Variants in TRAFD1 observed in about 807,000 individuals in gnomAD.
The protein encoded by TRAFD1 is TRAF-type zinc finger domain containing 1, also known as TRAF-type zinc finger domain-containing protein 1.
TRAFD1 carries 38 observed loss-of-function variants against 65.3 expected under a neutral mutation model. That is an observed-to-expected ratio of 0.58 (90% CI 0.45 to 0.76). The LOEUF is 0.76. Ranked by LOEUF, TRAFD1 falls within the 30% of genes least tolerant of loss-of-function variation. The pLI, the probability that TRAFD1 is intolerant of heterozygous loss-of-function variation, is 0.00. For synonymous variants in TRAFD1, 223 were observed against 257.2 expected (o/e 0.87, Z 1.27); for missense variants, 631 against 712.6 (o/e 0.89, Z 1.30).
intron 8 of TRAFD1, among the ~76,000 whole-genome samples, chr12:112,149,110 C>T (rs1008574769): frequency 1.3e-5 from 2 of 151,586 alleles, no homozygotes; most frequent in African/African-American, 2.4e-5. Context: ...CCCAGCTACT[C>T]GGGAGGCTGA....
At chr12:112,135,491 T>G (rs1431416329) in intron 4 of TRAFD1, among the ~76,000 whole-genome samples, 1 of 152,166 alleles carries the variant, frequency 6.6e-6, no homozygotes, top group Non-Finnish European at 1.5e-5. Context: ...TGGAGTGCAG[T>G]GGTGTGATCT....
At chr12:112,146,364 CAAA>C (rs202214474) in intron 7 of TRAFD1, among the ~76,000 whole-genome samples, 1 of 148,312 alleles carries the variant, frequency 6.7e-6, no homozygotes, top group Non-Finnish European at 1.5e-5. Context: ...CCAGCTCTAC[CAAA>C]AAAAAAGGGG....
At position 112,149,754 on chromosome 12, in the gene TRAFD1, C is replaced by T; in HGVS notation, c.1162C>T (p.Gln388Ter). 6.2e-7 allele frequency: 1 copy of T among 1,614,054 alleles called. No individual in the cohort carries two copies. The highest frequency in any genetic ancestry group is 8.5e-7 in the Non-Finnish European group (1 of 1,179,942). The part of the protein sequence containing the change: ...EEEVLFHHQD[Q>*]CDQRPATATN... ...AATTCTGGTTTTTCTTGTTTAGGAC[C>T]AGTGTGACCAACGCCCAGCCACTGC... is the stretch of plus-strand genomic sequence containing the variant. The change falls in exon 9 of 12, where the codon CAG (glutamine) becomes TAG (stop). Residue 388 changes from glutamine to a stop codon, truncating the protein, a stop_gained. Coordinates refer to ENST00000412615, the MANE Select transcript of TRAFD1 (RefSeq NM_006700.3). LOFTEE classifies it high-confidence loss of function.
intron 8 of TRAFD1, chr12:112,149,549 A>C (rs1264643746): frequency 3.6e-6 from 2 of 560,778 alleles, no homozygotes; most frequent in Non-Finnish European, 6.2e-6. Context: ...CACAAATCAG[A>C]AAGTGTTTCT....
chr12:112,151,970 G>C lies in TRAFD1; in HGVS notation c.1449G>C (p.Val483=). The C allele has an allele frequency of 6.2e-7, 1 of 1,614,220 alleles. No individual in the cohort carries two copies. Among genetic ancestry groups the C allele is most frequent in the Non-Finnish European group, 8.5e-7 (1 of 1,180,040 alleles). The change falls in exon 10 of 12, where the codon GTG becomes GTC. Residue 483 remains valine (V), a synonymous_variant. Coordinates refer to ENST00000412615, the MANE Select transcript of TRAFD1 (RefSeq NM_006700.3). ...GGTGCCAGCCCAGCTCTCCTTGTGT[G>C]CCGAAGCTCAGCAACTCAGACAGCC... ...RPGCQPSSPC[V]PKLSNSDSQD...
rs1188707338 is a variant in TRAFD1 at position 112,141,694 on chromosome 12, G to A, written c.644-395G>A. ...TAGGCATTTGCAAAGTGCTTTATAC[G>A]TATTAACTCATTTAATTCTCTCATT... On this transcript the variant is annotated intron_variant, in intron 5 of 11. Transcript: ENST00000412615. Among the ~76,000 whole-genome samples the A allele has an allele frequency of 5.3e-5, 8 of 152,084 alleles. 1 individual carries two copies. In the South Asian group the frequency reaches 8.3e-4, roughly 16 times the overall value.
At chr12:112,140,046 G>A in intron 4 of TRAFD1, 1 of 226,006 alleles carries the variant, frequency 4.4e-6, no homozygotes, top group South Asian at 4.2e-5. Context: ...AATAAAGCCT[G>A]TGCTAAATAC....
chr12:112,140,497 C>T (rs1028136335), intron 4 of TRAFD1, among the ~76,000 whole-genome samples: 24 of 151,176 alleles, frequency 1.6e-4, no homozygotes, highest in African/African-American at 3.6e-4. Context: ...AAACATCTGA[C>T]TTGCTATGAT....
chr12:112,140,868 A>T lies in TRAFD1; in HGVS notation c.287A>T (p.Glu96Val). Residue 96 changes from glutamate to valine, a missense_variant, in exon 5 of 12, where the codon GAA (glutamate) becomes GTA (valine). Coordinates refer to ENST00000412615, the MANE Select transcript of TRAFD1 (RefSeq NM_006700.3). ...RLAVCQHCDL[E>V]LSILKLKEHE... is the part of the protein sequence containing the mutation. ...GCTGTCTGCCAGCACTGTGATTTAG[A>T]ACTTTCCATTCTCAAACTGAAGGAA... The T allele has an allele frequency of 6.2e-7, 1 of 1,614,196 alleles. No homozygotes were observed. Among genetic ancestry groups the T allele is most frequent in the Non-Finnish European group, 8.5e-7 (1 of 1,180,042 alleles).
intron 2 of TRAFD1, among the ~76,000 whole-genome samples, chr12:112,132,565 C>T (rs1199228476): frequency 6.6e-6 from 1 of 152,170 alleles, no homozygotes; most frequent in Non-Finnish European, 1.5e-5. Flanking sequence ...TAATTTTCCT[C>T]TTTATCCATT....
At chr12:112,134,001 A>ATTTTTT (rs545753010) in intron 2 of TRAFD1, among the ~76,000 whole-genome samples, 1 of 95,156 alleles carries the variant, frequency 1.1e-5, no homozygotes, top group Non-Finnish European at 2.1e-5. Flanking sequence ...AAAGGATTTA[A>ATTTTTT]TTTTTTTTTT....
In TRAFD1 at chr12:112,130,371, G is replaced by C. The variant is rs1021285744; in HGVS notation, c.-12-140G>C. 3.8e-6 allele frequency: 2 copies of C among 527,448 alleles called. No individual in the cohort carries two copies. The highest frequency in any genetic ancestry group is 6.7e-6 in the Non-Finnish European group (2 of 296,340). The allele number at this position is 527,448 out of a possible 1,614,324, so 32.7% of individuals were successfully genotyped here. On this transcript the variant is annotated intron_variant, in intron 1 of 11. Transcript: ENST00000412615. This position sits in a 1 kb window ranked among gnomAD's most constrained non-coding sequence, Gnocchi z 4.4. The stretch of plus-strand genomic sequence containing the variant: ...ATTTTAAAATAAGAAAATCCCAAGG[G>C]ACTGGATATTGAATAAAATGCTTTA...
chr12:112,141,360 C>CT, intron 5 of TRAFD1, 136 bp downstream of exon 5: 1 of 1,006,474 alleles, frequency 9.9e-7, no homozygotes, highest in Non-Finnish European at 1.4e-6. Context: ...GAATACCTCT[C>CT]TTTCCTATAA....
At position 112,141,177 on chromosome 12, in the gene TRAFD1, C is replaced by G. The variant is rs778548385; in HGVS notation, c.596C>G (p.Thr199Ser). Residue 199 changes from threonine (T) to serine (S), a missense_variant, in exon 5 of 12, where the codon ACC (threonine) becomes AGC (serine). By Grantham distance (58) the Thr-to-Ser change is moderately conservative. Coordinates refer to ENST00000412615, the MANE Select transcript of TRAFD1 (RefSeq NM_006700.3). ...TCAGATGTTTTCCACAATAGAACTA[C>G]CAACCAAAGGAACATTACAGCCCAG... ...FESDVFHNRT[T>S]NQRNITAQVS... 6.2e-7 allele frequency: 1 copy of G among 1,614,140 alleles called. No homozygotes were observed. The highest frequency in any genetic ancestry group is 1.1e-5 in the South Asian group (1 of 91,084).
Position 112,140,926 on chromosome 12 carries a change from A to G in TRAFD1, c.345A>G (p.Leu115=), listed in dbSNP as rs764050238. Residue 115 remains leucine (L), a synonymous_variant, in exon 5 of 12, where the codon CTA becomes CTG. Coordinates refer to ENST00000412615, the MANE Select transcript of TRAFD1 (RefSeq NM_006700.3). Reference sequence around the variant, plus strand: ...ATTATTGTGGTGCCCGGACGGAACTATGTGGCAACTGTGGTCGCAATGTCC... The same window carrying G: ...ATTATTGTGGTGCCCGGACGGAACTGTGTGGCAACTGTGGTCGCAATGTCC... ...HEDYCGARTE[L]CGNCGRNVLV... 30 of 1,614,078 alleles carry G rather than the reference A, an allele frequency of 1.9e-5. No individual in the cohort carries two copies. The Admixed American group carries it at 2.8e-4, about 15-fold the overall frequency.
chr12:112,145,732 A>G (rs537463795), intron 7 of TRAFD1, 70 bp downstream of exon 7: 4 of 1,399,020 alleles, frequency 2.9e-6, no homozygotes, highest in African/African-American at 1.4e-5. Context: ...TGCAGGCCAC[A>G]TGAGGCCTTG....
chr12:112,128,168 G>C (rs917888748), intron 1 of TRAFD1, among the ~76,000 whole-genome samples: 1 of 151,750 alleles, frequency 6.6e-6, no homozygotes, highest in African/African-American at 2.4e-5. Flanking sequence ...ACAGGCACCC[G>C]GCTAATTTTT....
Position 112,140,998 on chromosome 12 carries a change from G to A in TRAFD1, c.417G>A (p.Gly139=), listed in dbSNP as rs1342632529. The A allele has an allele frequency of 6.2e-7, 1 of 1,614,160 alleles. No homozygotes were observed. The change falls in exon 5 of 12, where the codon GGG becomes GGA. Residue 139 remains glycine (G), a synonymous_variant. Coordinates refer to ENST00000412615, the MANE Select transcript of TRAFD1 (RefSeq NM_006700.3). ...KTHPEVCGRE[G]EEKRNEVAIP... Reference sequence around the variant, plus strand: ...ACCCTGAAGTTTGTGGGAGAGAGGGGGAGGAAAAGAGAAATGAGGTTGCCA... The same window carrying A: ...ACCCTGAAGTTTGTGGGAGAGAGGGAGAGGAAAAGAGAAATGAGGTTGCCA...
At chr12:112,142,358 A>G in intron 6 of TRAFD1, 63 bp downstream of exon 6, 4 of 1,499,496 alleles carry the variant, frequency 2.7e-6, no homozygotes, top group Non-Finnish European at 3.6e-6. Flanking sequence ...TAGGTTATAC[A>G]ATTCTTATAC....
Sources: gnomAD v4.1 joint callset for allele counts (sites outside exome capture counted in the v4.1 genomes callset) on GRCh38, gnomAD v4.1.1 for gene constraint, Gnocchi (gnomAD v3.1) non-coding constraint, MANE v1.5 for transcripts, NCBI Gene and HGNC (gene_info 2026-07-23, HGNC 2026-07-21) for gene names.